The following MRPL28 variants were observed in gnomAD, a reference collection of about 807,000 sequenced individuals.
MRPL28 encodes mitochondrial ribosomal protein L28.
In MRPL28, 25 loss-of-function variants were observed where a neutral mutation model predicts 26.2. That is an observed-to-expected ratio of 0.95 (90% CI 0.69 to 1.33). The LOEUF is 1.33. Among genes scored for constraint, MRPL28 ranks in the 40% most tolerant of loss-of-function variants. MRPL28 has a pLI of 0.00. For missense variants in MRPL28, 432 were observed against 327.2 expected, an observed-to-expected ratio of 1.32 and a Z score of -2.47; for synonymous variants, 227 against 140.1, an observed-to-expected ratio of 1.62 and a Z score of -4.38.
At chr16:370,300 C>A (rs1244891130) in intron 1 of MRPL28, 75 bp from the exon 2 acceptor site, 1 of 1,405,422 alleles carries the variant, frequency 7.1e-7, no homozygotes, top group African/African-American at 1.5e-5. Context: ...CCCCGGCCCC[C>A]GACTCTCACC....
chr16:368,255 C>T (rs779842737), intron 5 of MRPL28, 73 bp downstream of exon 5: 3 of 1,545,418 alleles, frequency 1.9e-6, no homozygotes, highest in Non-Finnish European at 2.7e-6. Flanking sequence ...AGGCTCTCTC[C>T]AAGGCAGCAC....
At position 367,568 on chromosome 16, in the gene MRPL28, C is replaced by T; in HGVS notation, c.*107G>A. On this transcript the variant is annotated 3_prime_UTR_variant, in exon 6 of 6. Coordinates refer to ENST00000199706, the MANE Select transcript of MRPL28 (RefSeq NM_006428.5). Reference sequence around the variant, plus strand: ...GCAGCACACGAAACCAGGATCCACCCACTGCCCACCGGTGGCCCTCACAGC... The same window carrying T: ...GCAGCACACGAAACCAGGATCCACCTACTGCCCACCGGTGGCCCTCACAGC... 1.0e-6 allele frequency: 1 copy of T among 986,560 alleles called. No homozygotes were observed. Among genetic ancestry groups the T allele is most frequent in the Non-Finnish European group, 1.6e-6 (1 of 636,916 alleles). The allele number at this position is 986,560 out of a possible 1,614,324, so 61.1% of individuals were successfully genotyped here.
chr16:367,784 T>C lies in MRPL28; in HGVS notation c.664-2A>G. The C allele has an allele frequency of 6.2e-7, 1 of 1,613,050 alleles. No homozygotes were observed. Among genetic ancestry groups the C allele is most frequent in the South Asian group, 1.1e-5 (1 of 91,046 alleles). ...GATCTTGAACAGGGGTACAGGGTCC[T>C]GAAGGAGAGAGGGGCTCATGGTGAG... On this transcript the variant is annotated splice_acceptor_variant, in intron 5 of 5. Transcript: ENST00000199706. LOFTEE classifies it high-confidence loss of function.
chr16:369,666 C>T, intron 2 of MRPL28: 1 of 684,606 alleles, frequency 1.5e-6, no homozygotes, highest in Middle Eastern at 2.3e-4. Flanking sequence ...ACACAGGCCT[C>T]CTCCCCATCC....
Position 369,066 on chromosome 16 carries a change from G to A in MRPL28, c.441+2C>T, listed in dbSNP as rs2054289859. On this transcript the variant is annotated splice_donor_variant, in intron 3 of 5. Coordinates refer to ENST00000199706, the MANE Select transcript of MRPL28 (RefSeq NM_006428.5). LOFTEE classifies it low-confidence loss of function (GC_TO_GT_DONOR). Reference sequence around the variant, plus strand: ...TGCACTGACTCGCCCCACCCCGCTTGCCTTGAGGATGTAAAAGTCGAGCCC... The same window carrying A: ...TGCACTGACTCGCCCCACCCCGCTTACCTTGAGGATGTAAAAGTCGAGCCC... 6.2e-7 allele frequency: 1 copy of A among 1,613,242 alleles called. No homozygotes were observed. The highest frequency in any genetic ancestry group is 8.5e-7 in the Non-Finnish European group (1 of 1,179,728).
chr16:370,389 C>T (rs865872825), intron 1 of MRPL28, 110 bp downstream of exon 1: 9 of 656,384 alleles, frequency 1.4e-5, no homozygotes, highest in Admixed American at 1.3e-3. Flanking sequence ...GGCTCTCACC[C>T]GCTACCCCCT....
chr16:368,746 G>A (rs904118538), intron 3 of MRPL28, 111 bp from the exon 4 acceptor site: 2 of 1,476,980 alleles, frequency 1.4e-6, no homozygotes, highest in African/African-American at 2.8e-5. Context: ...ACAGGACAGA[G>A]AAGGCCCGGG....
Position 367,422 on chromosome 16 carries a change from G to C in MRPL28, c.*253C>G, listed in dbSNP as rs776611731. On this transcript the variant is annotated 3_prime_UTR_variant, in exon 6 of 6. Transcript: ENST00000199706. ...CCTGGCCCAGACTTTACTCGCTCCC[G>C]GCCCCACGGGCACAAGGAACACTGC... The C allele has an allele frequency of 2.8e-6, 2 of 712,744 alleles. No homozygotes were observed. 44.2% of individuals were successfully genotyped at this position (712,744 alleles called of 1,614,324 possible).
rs752282287 is a variant in MRPL28 at position 368,432 on chromosome 16, G to A, written c.577-18C>T. The A allele has an allele frequency of 1.2e-6, 2 of 1,613,428 alleles. No individual in the cohort carries two copies. The highest frequency in any genetic ancestry group is 1.7e-6 in the Non-Finnish European group (2 of 1,179,810). The stretch of plus-strand genomic sequence containing the variant: ...GCAAATTCCTAGGCAGGCAGAGATG[G>A]AAAGGGCAGTGAGGCCCAGGGCCGG... On this transcript the variant is annotated intron_variant, in intron 4 of 5. Transcript: ENST00000199706.
intron 3 of MRPL28, 104 bp downstream of exon 3, chr16:368,964 T>C: frequency 1.4e-6 from 2 of 1,389,910 alleles, no homozygotes; most frequent in Non-Finnish European, 9.8e-7. Flanking sequence ...GACCCTCCTG[T>C]GCAGATGTCA....
intron 3 of MRPL28, 68 bp downstream of exon 3, chr16:368,999 TG>T: frequency 1.3e-6 from 2 of 1,553,568 alleles, no homozygotes; most frequent in Non-Finnish European, 1.8e-6. Flanking sequence ...GATGCTGACC[TG>T]GGGCTCCCGT....
Position 369,917 on chromosome 16 carries a change from G to A in MRPL28, c.288+14C>T, listed in dbSNP as rs764117711. On this transcript the variant is annotated intron_variant, in intron 2 of 5. Transcript: ENST00000199706. ...GCCCTGAGAGGAGCCCCTGAAGGCC[G>A]CCTGCGGACCCACCTTGTCGTTGTT... 8.1e-6 allele frequency: 13 copies of A among 1,600,208 alleles called. No homozygotes were observed. The highest frequency in any genetic ancestry group is 3.4e-5 in the Admixed American group (2 of 59,656).
At chr16:368,180 T>C (rs2054278029) in intron 5 of MRPL28, 148 bp downstream of exon 5, 1 of 928,790 alleles carries the variant, frequency 1.1e-6, no homozygotes, top group African/African-American at 1.6e-5. Flanking sequence ...GCCATGCTCC[T>C]CTGGGTGGGC....
At position 368,630 on chromosome 16, in the gene MRPL28, C is replaced by G. The variant is rs143007789; in HGVS notation, c.447G>C (p.Pro149=). 8 of 1,552,858 alleles carry G rather than the reference C, an allele frequency of 5.2e-6. No individual in the cohort carries two copies. Among genetic ancestry groups the G allele is most frequent in the Non-Finnish European group, 6.1e-6 (7 of 1,146,948 alleles). The change falls in exon 4 of 6, where the codon CCG becomes CCC. Residue 149 remains proline, a synonymous_variant. Coordinates refer to ENST00000199706, the MANE Select transcript of MRPL28 (RefSeq NM_006428.5). ...YGLDFYILKT[P]KEDLCSKFGM... ...CAAACTTGGAGCACAGGTCCTCCTTCGGGGTCTGGCAGAAGGCTCACATGG... is the reference window on the plus strand; with the variant it reads ...CAAACTTGGAGCACAGGTCCTCCTTGGGGGTCTGGCAGAAGGCTCACATGG...
In MRPL28 at chr16:367,457, C is replaced by T. The variant is rs1281592852; in HGVS notation, c.*218G>A. ...GCACAAGGAACACTGCCGCAAACGT[C>T]GGGGCCCAGCCTGAGAGGAGCCTCT... On this transcript the variant is annotated 3_prime_UTR_variant, in exon 6 of 6. Coordinates refer to ENST00000199706, the MANE Select transcript of MRPL28 (RefSeq NM_006428.5). 13 of 715,368 alleles carry T rather than the reference C, an allele frequency of 1.8e-5. No individual in the cohort carries two copies. The highest frequency in any genetic ancestry group is 2.9e-5 in the Non-Finnish European group (11 of 383,940). 44.3% of individuals were successfully genotyped at this position (715,368 alleles called of 1,614,324 possible).
At position 367,039 on chromosome 16, in the gene MRPL28, C is replaced by T. The variant is rs1431369501; in HGVS notation, c.*636G>A. ...CCTGGCCAACATGGTGAAACCCCTT[C>T]TCTACTAAAATACAATTAGCCATAC... On this transcript the variant is annotated 3_prime_UTR_variant, in exon 6 of 6. Coordinates refer to ENST00000199706, the MANE Select transcript of MRPL28 (RefSeq NM_006428.5). Among the ~76,000 whole-genome samples, 1 of 152,124 alleles carries T rather than the reference C, an allele frequency of 6.6e-6. No homozygotes were observed. Among genetic ancestry groups the T allele is most frequent in the Non-Finnish European group, 1.5e-5 (1 of 68,016 alleles).
chr16:367,670 T>A lies in MRPL28; in HGVS notation c.*5A>T. 6.2e-7 allele frequency: 1 copy of A among 1,612,468 alleles called. No homozygotes were observed. Among genetic ancestry groups the A allele is most frequent in the South Asian group, 1.1e-5 (1 of 91,018 alleles). ...CTGTTGGTCAGGCATGGAGGAGCTG[T>A]GTGGTCACTGGCCACTGGCTCTCTT... On this transcript the variant is annotated 3_prime_UTR_variant, in exon 6 of 6. Transcript: ENST00000199706.
intron 5 of MRPL28, 41 bp downstream of exon 5, chr16:368,287 G>A (rs1021429755): frequency 2.5e-6 from 4 of 1,603,648 alleles, no homozygotes; most frequent in South Asian, 2.2e-5. Flanking sequence ...CTGAACACCA[G>A]GCTCTGGGCA....
In MRPL28 at chr16:367,446, G is replaced by A. The variant is rs1344693896; in HGVS notation, c.*229C>T. ...CGGCCCCACGGGCACAAGGAACACT[G>A]CCGCAAACGTCGGGGCCCAGCCTGA... On this transcript the variant is annotated 3_prime_UTR_variant, in exon 6 of 6. Transcript: ENST00000199706. 4.2e-6 allele frequency: 3 copies of A among 715,354 alleles called. No individual in the cohort carries two copies. The highest frequency in any genetic ancestry group is 1.5e-5 in the South Asian group (1 of 67,460). The allele number at this position is 715,354 out of a possible 1,614,324, so 44.3% of individuals were successfully genotyped here.
Sources: allele counts gnomAD v4.1 joint callset (sites outside exome capture counted in the v4.1 genomes callset), GRCh38; gene constraint gnomAD v4.1.1; transcripts MANE v1.5; gene names NCBI Gene and HGNC (gene_info 2026-07-23, HGNC 2026-07-21).